Variants in OSBPL11 observed in about 807,000 individuals in gnomAD.
The protein encoded by OSBPL11 is oxysterol-binding protein-related protein 11.
Under a neutral mutation model 84.4 loss-of-function variants are expected in OSBPL11, and 33 were observed. That is an observed-to-expected ratio of 0.39 (90% CI 0.30 to 0.52). OSBPL11 has a LOEUF of 0.52. Ranked by LOEUF, OSBPL11 falls within the 20% of genes least tolerant of loss-of-function variation. The pLI, the probability that OSBPL11 is intolerant of heterozygous loss-of-function variation, is 0.72. For missense variants in OSBPL11, 736 were observed against 901.1 expected (o/e 0.82, Z 2.35); for synonymous variants, 276 against 310.2 (o/e 0.89, Z 1.16).
Position 125,547,519 on chromosome 3 carries a change from C to A in OSBPL11, c.1728G>T (p.Leu576Phe). ...CACCCAGTTCTACCCAAGGAACAGTCAAAATTGACCGAGCATATGCACAGG... is the reference window on the plus strand; with the variant it reads ...CACCCAGTTCTACCCAAGGAACAGTAAAAATTGACCGAGCATATGCACAGG... ...SLPCAYARSI[L>F]TVPWVELGGK... Residue 576 changes from leucine to phenylalanine, a missense_variant, in exon 10 of 13, where the codon TTG becomes TTT. Leu to Phe is a conservative substitution (Grantham distance 22). Transcript: ENST00000296220. 6.2e-7 allele frequency: 1 copy of A among 1,613,914 alleles called. No homozygotes were observed. The highest frequency in any genetic ancestry group is 8.5e-7 in the Non-Finnish European group (1 of 1,179,834).
chr3:125,587,597 A>G (rs533282854), intron 1 of OSBPL11, among the ~76,000 whole-genome samples: 1 of 152,314 alleles, frequency 6.6e-6, no homozygotes, highest in South Asian at 2.1e-4. Context: ...TAGTGGGAAG[A>G]AAACTAGGAG....
chr3:125,573,451 A>G (rs1370983737), intron 5 of OSBPL11, among the ~76,000 whole-genome samples: 2 of 152,226 alleles, frequency 1.3e-5, no homozygotes, highest in Admixed American at 6.5e-5. Flanking sequence ...CTGAAAAGGA[A>G]GGGAACTGAT....
At chr3:125,556,023 G>A (rs1935986171) in intron 8 of OSBPL11, among the ~76,000 whole-genome samples, 1 of 152,160 alleles carries the variant, frequency 6.6e-6, no homozygotes. Flanking sequence ...TGAAACACGA[G>A]GGCAACACAG....
Position 125,547,392 on chromosome 3 carries a change from T to TA in OSBPL11, c.1841+13dup. 2 of 1,603,344 alleles carry TA rather than the reference T, an allele frequency of 1.2e-6. No individual in the cohort carries two copies. Among genetic ancestry groups the TA allele is most frequent in the Non-Finnish European group, 1.7e-6 (2 of 1,173,282 alleles). On this transcript the variant is annotated intron_variant, in intron 10 of 12. Coordinates refer to ENST00000296220, the MANE Select transcript of OSBPL11 (RefSeq NM_022776.5). ...GGAAGAATAAGAACTAGATAATCAT[T>TA]AAAATGTTCTTACCGATGCAGTTTG...
chr3:125,582,825 TA>T, intron 2 of OSBPL11, 84 bp downstream of exon 2: 1 of 1,020,364 alleles, frequency 9.8e-7, no homozygotes, highest in Non-Finnish European at 1.5e-6. Context: ...CATGTCTGTC[TA>T]AAGTAATATC....
At chr3:125,532,484 A>G (rs1935572381) in intron 11 of OSBPL11, among the ~76,000 whole-genome samples, 1 of 152,038 alleles carries the variant, frequency 6.6e-6, no homozygotes, top group Admixed American at 6.6e-5. Flanking sequence ...TGAGAAAGGA[A>G]ACAAATGAGG....
intron 2 of OSBPL11, among the ~76,000 whole-genome samples, chr3:125,581,856 G>C (rs1474569766): frequency 6.6e-6 from 1 of 151,052 alleles, no homozygotes; most frequent in Non-Finnish European, 1.5e-5. Flanking sequence ...CATGCCTGTA[G>C]CTCCAGCTAC....
At chr3:125,535,513 G>A (rs192384478) in intron 11 of OSBPL11, among the ~76,000 whole-genome samples, 14 of 146,530 alleles carry the variant, frequency 9.6e-5, no homozygotes, top group African/African-American at 3.0e-4. Context: ...GTTCAACGGC[G>A]GCTCACTGCA....
At chr3:125,550,313 T>TGCA (rs1935881496) in intron 9 of OSBPL11, among the ~76,000 whole-genome samples, 1 of 150,222 alleles carries the variant, frequency 6.7e-6, no homozygotes, top group Non-Finnish European at 1.5e-5. Context: ...AGGCAGAGAT[T>TGCA]GCAGTGAGCC....
At chr3:125,546,319 C>T (rs1935814677) in intron 10 of OSBPL11, among the ~76,000 whole-genome samples, 1 of 151,468 alleles carries the variant, frequency 6.6e-6, no homozygotes, top group Admixed American at 6.6e-5. Context: ...AGGCACCTTC[C>T]ACCACACTCG....
intron 5 of OSBPL11, among the ~76,000 whole-genome samples, chr3:125,569,113 T>A (rs924205120): frequency 2.6e-5 from 4 of 151,882 alleles, no homozygotes; most frequent in Admixed American, 6.6e-5. Context: ...CCTGGCTAAT[T>A]TTTTGTATTT....
Position 125,543,279 on chromosome 3 carries a change from G to A in OSBPL11, c.1841+4127C>T, listed in dbSNP as rs147422766. On this transcript the variant is annotated intron_variant, in intron 10 of 12. Transcript: ENST00000296220. ...CCGAAGTACCTGGGATTACAGGTGC[G>A]TGCCACCATGCCCAGCTAATGTTTG... 5.3e-5 allele frequency among the ~76,000 whole-genome samples: 8 copies of A among 151,470 alleles called. No homozygotes were observed. In the East Asian group the frequency reaches 9.8e-4, roughly 19 times the overall value.
chr3:125,538,927 A>G (rs1198728587), intron 10 of OSBPL11, among the ~76,000 whole-genome samples: 1 of 152,140 alleles, frequency 6.6e-6, no homozygotes, highest in Non-Finnish European at 1.5e-5. Context: ...AAACAAAACT[A>G]TAATATTAAA....
At position 125,549,486 on chromosome 3, in the gene OSBPL11, A is replaced by T. The variant is rs74911386; in HGVS notation, c.1655-1894T>A. On this transcript the variant is annotated intron_variant, in intron 9 of 12. Coordinates refer to ENST00000296220, the MANE Select transcript of OSBPL11 (RefSeq NM_022776.5). ...AATGCTTTTCTCCATTTCTTTTTAA[A>T]AAATTTTACATTTGAGACAAGGTTC... Among the ~76,000 whole-genome samples the T allele has an allele frequency of 1.8e-3, 280 of 152,196 alleles. 4 individuals carry two copies. Among genetic ancestry groups the T allele is most frequent in the East Asian group, 0.012 (64 of 5,182 alleles).
chr3:125,568,008 A>G (rs1936185931), intron 5 of OSBPL11, among the ~76,000 whole-genome samples: 1 of 151,918 alleles, frequency 6.6e-6, no homozygotes, highest in Non-Finnish European at 1.5e-5. Flanking sequence ...AAAAAAAAAA[A>G]AGACATATTA....
In OSBPL11 at chr3:125,594,638, T is replaced by G; in HGVS notation, c.163A>C (p.Ser55Arg). The change falls in exon 1 of 13, where the codon AGT becomes CGT. Residue 55 changes from serine (S) to arginine (R), a missense_variant and splice_region_variant. Coordinates refer to ENST00000296220, the MANE Select transcript of OSBPL11 (RefSeq NM_022776.5). ...RGGSAKGWQY[S>R]DHMENVYGYL... ...ATAATTTTGGAGAAAGGAGCATACCTGTACTGCCAGCCTTTTGCACTGCCA... is the reference window on the plus strand; with the variant it reads ...ATAATTTTGGAGAAAGGAGCATACCGGTACTGCCAGCCTTTTGCACTGCCA... The G allele has an allele frequency of 6.2e-7, 1 of 1,613,200 alleles. No homozygotes were observed. The highest frequency in any genetic ancestry group is 8.5e-7 in the Non-Finnish European group (1 of 1,179,932).
chr3:125,583,059 T>C lies in OSBPL11; in HGVS notation c.165-81A>G. The stretch of plus-strand genomic sequence containing the variant: ...ATAATGGTACAATTTTCAAAATAGC[T>C]GCAGATACATATATGCTCTATAAAT... On this transcript the variant is annotated intron_variant, in intron 1 of 12. Coordinates refer to ENST00000296220, the MANE Select transcript of OSBPL11 (RefSeq NM_022776.5). 5.3e-6 allele frequency: 5 copies of C among 937,392 alleles called. No individual in the cohort carries two copies. The South Asian group carries it at 8.0e-5, about 15-fold the overall frequency. The allele number at this position is 937,392 out of a possible 1,614,324, so 58.1% of individuals were successfully genotyped here.
At chr3:125,559,783 C>T (rs1316243646) in intron 8 of OSBPL11, among the ~76,000 whole-genome samples, 1 of 152,060 alleles carries the variant, frequency 6.6e-6, no homozygotes, top group Non-Finnish European at 1.5e-5. Flanking sequence ...CTGTCTCAGC[C>T]TCCTGAGACG....
intron 12 of OSBPL11, 99 bp from the exon 13 acceptor site, chr3:125,530,679 T>G: frequency 1.0e-6 from 1 of 997,564 alleles, no homozygotes; most frequent in East Asian, 2.5e-5. Flanking sequence ...AATTCTATTT[T>G]CACATTCAAA....
Sources: allele counts gnomAD v4.1 joint callset (sites outside exome capture counted in the v4.1 genomes callset), GRCh38; gene constraint gnomAD v4.1.1; transcripts MANE v1.5; gene names NCBI Gene and HGNC (gene_info 2026-07-23, HGNC 2026-07-21).